CDH18: variants seen among roughly 807,000 people sequenced by gnomAD.
CDH18 encodes cadherin-18.
CDH18 carries 31 observed loss-of-function variants against 67.9 expected under a neutral mutation model. The ratio of observed to expected loss-of-function variants is 0.46; its 90% CI spans 0.34 to 0.62. The LOEUF (loss-of-function observed/expected upper bound fraction) is 0.62, where lower values mean the gene tolerates loss of function less well. Ranked by LOEUF, CDH18 falls within the 20% of genes least tolerant of loss-of-function variation. CDH18 has a pLI of 0.01. For missense variants in CDH18, 890 were observed against 975.5 expected, an observed-to-expected ratio of 0.91 and a Z score of 1.17; for synonymous variants, 362 against 347.2, an observed-to-expected ratio of 1.04 and a Z score of -0.48.
In CDH18 at chr5:20,127,916, ATTACT is replaced by A. The variant is rs1331103275; in HGVS notation, c.-518+127523_-518+127527del. On this transcript the variant is annotated intron_variant, in intron 2 of 14. Coordinates refer to the CDH18 transcript ENST00000507958. ...ATTATTGTTATTACTAAGTTTATAC[ATTACT>A]TTAATTAAAAAGTCACTTGAATCAA... 5.3e-5 allele frequency among the ~76,000 whole-genome samples: 8 copies of A among 152,262 alleles called. No homozygotes were observed. In the South Asian group the frequency reaches 1.7e-3, roughly 32 times the overall value.
At chr5:20,379,258 T>C (rs1025449236) in intron 1 of CDH18, among the ~76,000 whole-genome samples, 2 of 152,216 alleles carry the variant, frequency 1.3e-5, no homozygotes, top group African/African-American at 4.8e-5. Context: ...TTGTCATGTA[T>C]AGATTTCTTT....
chr5:20,167,528 A>G (rs1386782282), intron 2 of CDH18, among the ~76,000 whole-genome samples: 1 of 152,112 alleles, frequency 6.6e-6, no homozygotes, highest in Non-Finnish European at 1.5e-5. Context: ...ATAAAAGAGA[A>G]CTATCTTGAT....
chr5:19,816,754 C>T (rs185856617), intron 3 of CDH18, among the ~76,000 whole-genome samples: 44 of 151,552 alleles, frequency 2.9e-4, no homozygotes, highest in African/African-American at 9.7e-4. Flanking sequence ...GGTGTTAAAC[C>T]GAAGATAAAA....
chr5:20,209,553 AT>A (rs1477466442), intron 2 of CDH18, among the ~76,000 whole-genome samples: 1 of 151,950 alleles, frequency 6.6e-6, no homozygotes, highest in Non-Finnish European at 1.5e-5. Context: ...GATCTCATGA[AT>A]ATAATCAGTT....
chr5:20,025,884 C>T (rs1738852462), intron 2 of CDH18, among the ~76,000 whole-genome samples: 1 of 152,134 alleles, frequency 6.6e-6, no homozygotes, highest in African/African-American at 2.4e-5. Flanking sequence ...CCATTACTAC[C>T]CATTCATCTC....
intron 2 of CDH18, among the ~76,000 whole-genome samples, chr5:20,185,006 C>T (rs549315018): frequency 6.6e-6 from 1 of 152,076 alleles, no homozygotes; most frequent in Non-Finnish European, 1.5e-5. Flanking sequence ...ACAACATTCA[C>T]ATTTATCTTA....
chr5:19,998,013 T>A (rs546204048), intron 2 of CDH18, among the ~76,000 whole-genome samples: 2 of 152,152 alleles, frequency 1.3e-5, no homozygotes, highest in Non-Finnish European at 2.9e-5. Context: ...GCTGGAAACA[T>A]GAAATGGAAA....
At chr5:20,314,129 C>A (rs1193462137) in intron 1 of CDH18, among the ~76,000 whole-genome samples, 1 of 151,918 alleles carries the variant, frequency 6.6e-6, no homozygotes, top group African/African-American at 2.4e-5. Context: ...CCATAGGTGT[C>A]ATATATAGAA....
intron 1 of CDH18, among the ~76,000 whole-genome samples, chr5:20,555,174 C>G (rs1277756377): frequency 6.6e-6 from 1 of 152,120 alleles, no homozygotes; most frequent in East Asian, 1.9e-4. Context: ...AGCTCTCTAT[C>G]TCCCCACATA....
chr5:19,669,247 T>C (rs1027032194), intron 5 of CDH18, among the ~76,000 whole-genome samples: 2 of 146,214 alleles, frequency 1.4e-5, no homozygotes, highest in African/African-American at 5.0e-5. Flanking sequence ...ATGATATATA[T>C]TATATATAAA....
intron 2 of CDH18, among the ~76,000 whole-genome samples, chr5:19,939,913 T>C (rs956503817): frequency 4.9e-4 from 74 of 152,024 alleles, no homozygotes; most frequent in African/African-American, 1.8e-3. Context: ...TAAGAATCCA[T>C]AGGCTTCCAA....
chr5:20,504,718 A>G (rs1321807351), intron 1 of CDH18, among the ~76,000 whole-genome samples: 3 of 152,090 alleles, frequency 2.0e-5, no homozygotes, highest in Non-Finnish European at 4.4e-5. Context: ...TTAATAAAAA[A>G]TAAAGTCTTT....
chr5:20,131,356 A>G (rs1250596442), intron 2 of CDH18, among the ~76,000 whole-genome samples: 2 of 152,150 alleles, frequency 1.3e-5, no homozygotes, highest in Non-Finnish European at 2.9e-5. Context: ...TTCATTGCTA[A>G]TATTTGGATT....
At chr5:20,193,943 C>T (rs911625029) in intron 2 of CDH18, among the ~76,000 whole-genome samples, 1 of 152,012 alleles carries the variant, frequency 6.6e-6, no homozygotes, top group African/African-American at 2.4e-5. Context: ...ACTAATGGAA[C>T]ATATCTCAAA....
chr5:19,549,872 T>C (rs1013587337), intron 8 of CDH18, among the ~76,000 whole-genome samples: 1 of 151,986 alleles, frequency 6.6e-6, no homozygotes, highest in African/African-American at 2.4e-5. Context: ...CCAGAGAGTT[T>C]AATGAAGAGA....
intron 2 of CDH18, among the ~76,000 whole-genome samples, chr5:20,237,589 G>A (rs916705186): frequency 6.6e-6 from 1 of 151,738 alleles, no homozygotes; most frequent in Non-Finnish European, 1.5e-5. Context: ...AAGCATTTAA[G>A]GATAAATCTG....
chr5:19,478,344 T>C (rs1422682692), intron 12 of CDH18, among the ~76,000 whole-genome samples: 2 of 152,154 alleles, frequency 1.3e-5, no homozygotes, highest in Non-Finnish European at 2.9e-5. Flanking sequence ...CTGAATTTGG[T>C]AGAATTGAGG....
chr5:19,995,719 G>A (rs1031493570), intron 2 of CDH18, among the ~76,000 whole-genome samples: 2 of 151,592 alleles, frequency 1.3e-5, no homozygotes, highest in East Asian at 3.9e-4. Flanking sequence ...CAGTAAATGT[G>A]TACTACTATT....
At chr5:20,465,097 G>C (rs1374054123) in intron 1 of CDH18, among the ~76,000 whole-genome samples, 1 of 152,060 alleles carries the variant, frequency 6.6e-6, no homozygotes, top group African/African-American at 2.4e-5. Context: ...CCAAATATAG[G>C]AGCAGAGGCA....
Sources: gnomAD v4.1 joint callset for allele counts (sites outside exome capture counted in the v4.1 genomes callset) on GRCh38, gnomAD v4.1.1 for gene constraint, MANE v1.5 for transcripts, NCBI Gene and HGNC (gene_info 2026-07-23, HGNC 2026-07-21) for gene names.